The following CALN1 variants were observed in gnomAD, a reference collection of about 807,000 sequenced individuals.
CALN1 encodes the protein calcium-binding protein 8.
In CALN1, 17 loss-of-function variants were observed where a neutral mutation model predicts 30.6. The observed-to-expected ratio is 0.56, with a 90% CI of 0.38 to 0.83. The LOEUF (loss-of-function observed/expected upper bound fraction) is 0.83. CALN1 is among the 40% of genes least tolerant of loss of function. The pLI, the probability that CALN1 is intolerant of heterozygous loss-of-function variation, is 0.00. For missense variants in CALN1, 291 were observed against 354.9 expected (o/e 0.82, Z 1.45); for synonymous variants, 156 against 131.4 (o/e 1.19, Z -1.28).
chr7:72,481,244 G>A, the CALN1 span, among the ~76,000 whole-genome samples: 9 of 152,216 alleles, frequency 5.9e-5, no homozygotes, highest in South Asian at 1.5e-3. Context: ...GAGCCACTGC[G>A]CCCGGCCTAA....
chr7:72,225,332 G>A (rs1202220534), intron 3 of CALN1, among the ~76,000 whole-genome samples: 3 of 151,962 alleles, frequency 2.0e-5, no homozygotes, highest in Non-Finnish European at 4.4e-5. Context: ...AATTCTGTAA[G>A]CACCCTGCTT....
chr7:71,929,254 T>C (rs965701237), intron 5 of CALN1, among the ~76,000 whole-genome samples: 9 of 152,188 alleles, frequency 5.9e-5, no homozygotes, highest in East Asian at 1.9e-4. Context: ...ATCCATTAGC[T>C]ATTCTTCCTG....
intron 4 of CALN1, among the ~76,000 whole-genome samples, chr7:72,093,811 G>A (rs1584927727): frequency 6.6e-6 from 1 of 152,168 alleles, no homozygotes; most frequent in Admixed American, 6.5e-5. Context: ...TGTGTGCTCT[G>A]TAGAATTATC....
chr7:72,482,783 T>C, the CALN1 span, among the ~76,000 whole-genome samples: 1 of 152,168 alleles, frequency 6.6e-6, no homozygotes, highest in African/African-American at 2.4e-5. Flanking sequence ...TATACTTATG[T>C]AGTTACCATT....
chr7:71,948,461 G>A (rs569107022), intron 5 of CALN1, among the ~76,000 whole-genome samples: 11 of 152,268 alleles, frequency 7.2e-5, no homozygotes, highest in African/African-American at 2.6e-4. Flanking sequence ...GGGCACGATT[G>A]GCTTATGCCT....
At chr7:72,262,629 T>C (rs1796339927) in intron 3 of CALN1, among the ~76,000 whole-genome samples, 3 of 152,218 alleles carry the variant, frequency 2.0e-5, no homozygotes, top group African/African-American at 7.2e-5. Context: ...TCTGCATTAA[T>C]TCACTTAGGA....
At chr7:72,311,254 T>TA (rs778084153) in intron 2 of CALN1, among the ~76,000 whole-genome samples, 12 of 152,312 alleles carry the variant, frequency 7.9e-5, no homozygotes, top group Admixed American at 2.6e-4. Flanking sequence ...CTTTTACTAA[T>TA]AACATTTTAT....
At chr7:72,462,182 T>TATGTATGTATG in the CALN1 span, among the ~76,000 whole-genome samples, 2,903 of 148,732 alleles carry the variant, frequency 0.02, 99 homozygotes, top group African/African-American at 0.068. Context: ...ATGTATGTAT[T>TATGTATGTATG]TATTTATTTA....
At chr7:71,962,437 C>T (rs764442243) in intron 5 of CALN1, among the ~76,000 whole-genome samples, 1 of 152,112 alleles carries the variant, frequency 6.6e-6, no homozygotes, top group African/African-American at 2.4e-5. Context: ...AAGCCAATTA[C>T]CTGTAACAAA....
chr7:72,272,378 A>G (rs1047821793), intron 3 of CALN1, among the ~76,000 whole-genome samples: 10 of 152,250 alleles, frequency 6.6e-5, no homozygotes, highest in Admixed American at 3.9e-4. Flanking sequence ...CCTGGCCAAC[A>G]TGGCAAAAAC....
At chr7:72,215,730 TGG>T (rs1288202145) in intron 3 of CALN1, among the ~76,000 whole-genome samples, 2 of 152,234 alleles carry the variant, frequency 1.3e-5, no homozygotes, top group Non-Finnish European at 2.9e-5. Context: ...ACAGCAGCTG[TGG>T]ATGGACCCAG....
intron 3 of CALN1, among the ~76,000 whole-genome samples, chr7:72,239,956 C>G (rs542328204): frequency 6.6e-6 from 1 of 152,284 alleles, no homozygotes; most frequent in South Asian, 2.1e-4. Flanking sequence ...TTAAGGATTT[C>G]TATTCGACCA....
chr7:72,242,110 AG>A (rs1175615515), intron 3 of CALN1, among the ~76,000 whole-genome samples: 4 of 152,194 alleles, frequency 2.6e-5, no homozygotes, highest in Non-Finnish European at 5.9e-5. Context: ...GGGACCTCAT[AG>A]AAATGGAATC....
chr7:72,188,680 C>T (rs748763246), intron 3 of CALN1, among the ~76,000 whole-genome samples: 17 of 152,104 alleles, frequency 1.1e-4, no homozygotes, highest in Admixed American at 1.1e-3. Context: ...AAATACCATC[C>T]ATTCCCCAAA....
At chr7:71,849,265 G>A (rs1462591809) in intron 5 of CALN1, among the ~76,000 whole-genome samples, 1 of 152,252 alleles carries the variant, frequency 6.6e-6, no homozygotes. Context: ...TAGCCCAAGT[G>A]ATTTAGCACA....
intron 5 of CALN1, among the ~76,000 whole-genome samples, chr7:71,812,845 G>T (rs1788035043): frequency 6.6e-6 from 1 of 151,794 alleles, no homozygotes; most frequent in Admixed American, 6.6e-5. Flanking sequence ...CTGGGCTCAA[G>T]TGATCCTCCT....
At chr7:72,090,172 C>T (rs1349416519) in intron 4 of CALN1, among the ~76,000 whole-genome samples, 4 of 152,164 alleles carry the variant, frequency 2.6e-5, no homozygotes, top group Non-Finnish European at 5.9e-5. Flanking sequence ...CCTGGTGGCG[C>T]ATGCCTGTAG....
intron 5 of CALN1, among the ~76,000 whole-genome samples, chr7:71,871,044 C>CA (rs896025256): frequency 2.7e-5 from 4 of 148,312 alleles, no homozygotes; most frequent in East Asian, 3.9e-4. Flanking sequence ...AATGATTAAG[C>CA]AAAAAAAAGA....
chr7:71,852,357 C>G (rs1790696439), intron 5 of CALN1, among the ~76,000 whole-genome samples: 1 of 151,584 alleles, frequency 6.6e-6, no homozygotes, highest in Admixed American at 6.6e-5. Flanking sequence ...AAACTGCCGA[C>G]TGGGCACAGT....
Sources: gnomAD v4.1 joint callset for allele counts (sites outside exome capture counted in the v4.1 genomes callset) on GRCh38, gnomAD v4.1.1 for gene constraint, MANE v1.5 for transcripts, NCBI Gene and HGNC (gene_info 2026-07-23, HGNC 2026-07-21) for gene names.